The following PFKFB2 variants were observed in gnomAD, a reference collection of about 807,000 sequenced individuals.
PFKFB2 encodes the protein 6-phosphofructo-2-kinase/fructose-2,6-biphosphatase 2, also known as 6-phosphofructo-2-kinase/fructose-2,6-bisphosphatase 2.
Under a neutral mutation model 68.0 loss-of-function variants are expected in PFKFB2, and 53 were observed. The observed-to-expected ratio is 0.78, with a 90% confidence interval of 0.63 to 0.98. The LOEUF is 0.98. Among genes scored for constraint, PFKFB2 ranks in the 50% least tolerant of loss-of-function variants. PFKFB2 has a pLI of 0.00. For missense variants in PFKFB2, 451 were observed against 642.0 expected, an observed-to-expected ratio of 0.70 and a Z score of 3.22; for synonymous variants, 222 against 227.6, an observed-to-expected ratio of 0.98 and a Z score of 0.22.
In PFKFB2 at chr1:207,062,630, T is replaced by C. The variant is rs1558060545; in HGVS notation, c.222T>C (p.Leu74=). 6.2e-7 allele frequency: 1 copy of C among 1,613,986 alleles called. No homozygotes were observed. The highest frequency in any genetic ancestry group is 1.1e-5 in the South Asian group (1 of 91,076). The change falls in exon 4 of 15, where the codon CTT becomes CTC. Residue 74 remains leucine (L), a synonymous_variant. Coordinates refer to ENST00000367080, the MANE Select transcript of PFKFB2 (RefSeq NM_006212.2). ...GGGTGTCTTCTACAGTGTTTAATCT[T>C]GGGGTGTATCGGCGTGAAGCAGTCA... The part of the protein sequence containing the change: ...WIGVPTKVFN[L]GVYRREAVKS...
At position 207,058,304 on chromosome 1, in the gene PFKFB2, A is replaced by G. The variant is rs145983193; in HGVS notation, c.85+3502A>G. Among the ~76,000 whole-genome samples the G allele has an allele frequency of 2.6e-3, 400 of 152,384 alleles. 1 individual carries two copies. The highest frequency in any genetic ancestry group is 9.2e-3 in the African/African-American group (382 of 41,590). On this transcript the variant is annotated intron_variant, in intron 2 of 14. Transcript: ENST00000367080. ...TAAATATTAGGCCTCTTTAGAGCCA[A>G]TAAAAGAAGACGTCCTGGGTCCTGA...
intron 2 of PFKFB2, among the ~76,000 whole-genome samples, chr1:207,059,230 T>A (rs1683015447): frequency 6.6e-6 from 1 of 152,174 alleles, no homozygotes; most frequent in Non-Finnish European, 1.5e-5. Context: ...GCTGGTTCCC[T>A]GGTTGCCTTC....
chr1:207,047,641 C>T (rs1682630434), intron 2 of PFKFB2: 1 of 152,578 alleles, frequency 6.6e-6, no homozygotes, highest in Non-Finnish European at 1.5e-5. Flanking sequence ...AGGTAGAAAA[C>T]TTTTATCTGG....
Position 207,073,114 on chromosome 1 carries a change from A to T in PFKFB2, c.*743A>T, listed in dbSNP as rs1465749489. The T allele has an allele frequency of 2.0e-6, 2 of 985,356 alleles. No individual in the cohort carries two copies. The highest frequency in any genetic ancestry group is 2.3e-4 in the East Asian group (2 of 8,830). The allele number at this position is 985,356 out of a possible 1,614,324, so 61.0% of individuals were successfully genotyped here. On this transcript the variant is annotated 3_prime_UTR_variant, in exon 15 of 15. Coordinates refer to ENST00000367080, the MANE Select transcript of PFKFB2 (RefSeq NM_006212.2). Reference sequence around the variant, plus strand: ...AGCTTGCAAGTAGACATAGGGTGAGAGTTCTTGCCTCCTTTCATGAGAAAC... The same window carrying T: ...AGCTTGCAAGTAGACATAGGGTGAGTGTTCTTGCCTCCTTTCATGAGAAAC...
intron 10 of PFKFB2, 104 bp downstream of exon 10, chr1:207,068,413 A>G: frequency 1.0e-6 from 1 of 984,876 alleles, no homozygotes; most frequent in Non-Finnish European, 1.4e-6. Flanking sequence ...TACAACCAAC[A>G]AGTAAAAACT....
chr1:207,049,776 A>G, upstream of PFKFB2: 2 of 1,503,532 alleles, frequency 1.3e-6, no homozygotes, highest in Non-Finnish European at 1.8e-6. Context: ...GAAGAAACCG[A>G]GTGTTCTCTA....
intron 8 of PFKFB2, chr1:207,065,392 C>T: frequency 1.2e-6 from 1 of 832,298 alleles, no homozygotes; most frequent in Non-Finnish European, 1.4e-6. Flanking sequence ...ACTCTGTCAC[C>T]CAGGCTGGAG....
intron 1 of PFKFB2, among the ~76,000 whole-genome samples, chr1:207,040,961 C>T (rs1682465247): frequency 7.1e-6 from 1 of 141,558 alleles, no homozygotes; most frequent in Admixed American, 7.3e-5. Flanking sequence ...AAGAGTCTCG[C>T]TCTGTCGCCT....
chr1:207,075,181 C>G lies in PFKFB2; in HGVS notation c.*2810C>G. The G allele has an allele frequency of 1.0e-6, 1 of 985,346 alleles. No individual in the cohort carries two copies. The highest frequency in any genetic ancestry group is 1.2e-6 in the Non-Finnish European group (1 of 829,882). The allele number at this position is 985,346 out of a possible 1,614,324, so 61.0% of individuals were successfully genotyped here. A position where few individuals can be genotyped will look rare whatever the true frequency, so the allele number is the denominator to read the frequency against. On this transcript the variant is annotated 3_prime_UTR_variant, in exon 15 of 15. Coordinates refer to ENST00000367080, the MANE Select transcript of PFKFB2 (RefSeq NM_006212.2). Reference sequence around the variant, plus strand: ...AGCATTGTGTTAACCTGTCATTAACCCAGCATTAGAGACAGGTCACTGGGA... The same window carrying G: ...AGCATTGTGTTAACCTGTCATTAACGCAGCATTAGAGACAGGTCACTGGGA...
chr1:207,042,665 C>G (rs1682504300), intron 2 of PFKFB2, among the ~76,000 whole-genome samples: 1 of 149,034 alleles, frequency 6.7e-6, no homozygotes, highest in African/African-American at 2.5e-5. Flanking sequence ...CTATTCGGAT[C>G]AGAATTAGAA....
intron 1 of PFKFB2, 41 bp downstream of exon 1, chr1:207,053,407 G>A (rs1682812940): frequency 6.6e-6 from 1 of 152,566 alleles, no homozygotes; most frequent in Non-Finnish European, 1.5e-5. Flanking sequence ...GTCTAGCGGG[G>A]CGGGATGTGG....
At position 207,074,746 on chromosome 1, in the gene PFKFB2, G is replaced by A. The variant is rs919377461; in HGVS notation, c.*2375G>A. 1.0e-6 allele frequency: 1 copy of A among 985,426 alleles called. No homozygotes were observed. Among genetic ancestry groups the A allele is most frequent in the African/African-American group, 1.7e-5 (1 of 57,350 alleles). 61.0% of individuals were successfully genotyped at this position (985,426 alleles called of 1,614,324 possible). On this transcript the variant is annotated 3_prime_UTR_variant, in exon 15 of 15. Transcript: ENST00000367080. ...AAGTAGAAGAAAAGGTCCTTGTCCA[G>A]AGGAAGGTTATTTTAAGAGACAGGA... is the stretch of plus-strand genomic sequence containing the variant.
Position 207,071,495 on chromosome 1 carries a change from C to T in PFKFB2, c.1286-14C>T, listed in dbSNP as rs759536427. On this transcript the variant is annotated splice_polypyrimidine_tract_variant and intron_variant, in intron 13 of 14. Transcript: ENST00000367080. Reference sequence around the variant, plus strand: ...CCTTTTTCTTTAAGTCCTCTCTTTCCTCTGTTTTCTCAGGGTGCAAAGTGG... The same window carrying T: ...CCTTTTTCTTTAAGTCCTCTCTTTCTTCTGTTTTCTCAGGGTGCAAAGTGG... 3.7e-6 allele frequency: 6 copies of T among 1,609,446 alleles called. No individual in the cohort carries two copies. In the Admixed American group the frequency reaches 6.7e-5, roughly 18 times the overall value.
chr1:207,067,426 A>T (rs1683323479), intron 8 of PFKFB2, 73 bp from the exon 9 acceptor site: 2 of 1,104,626 alleles, frequency 1.8e-6, no homozygotes, highest in Non-Finnish European at 2.7e-6. Context: ...TCCCTGTAGA[A>T]ATCCTTTTCC....
rs920276525 is a variant in PFKFB2, at chr1:207,075,750, A to T, written c.*3379A>T. On this transcript the variant is annotated 3_prime_UTR_variant, in exon 15 of 15. Transcript: ENST00000367080. ...TATAGTGAGACCTCACCTCTAAAAA[A>T]GTTTTTTATAAATTTACTTGTCTAA... The T allele has an allele frequency of 2.5e-5, 25 of 981,912 alleles. No homozygotes were observed. The highest frequency in any genetic ancestry group is 3.0e-5 in the Non-Finnish European group (25 of 826,814). The allele number at this position is 981,912 out of a possible 1,614,324, so 60.8% of individuals were successfully genotyped here.
At chr1:207,055,498 T>C (rs1682891856) in intron 2 of PFKFB2, among the ~76,000 whole-genome samples, 1 of 152,140 alleles carries the variant, frequency 6.6e-6, no homozygotes, top group Admixed American at 6.5e-5. Context: ...CTAAGCATCA[T>C]AGGCTGCATA....
downstream of PFKFB2, chr1:207,077,841 T>C (rs1683672079): frequency 1.0e-6 from 1 of 981,242 alleles, no homozygotes; most frequent in Non-Finnish European, 1.2e-6. Flanking sequence ...GGGTTTTTTG[T>C]TTAGTATTTT....
chr1:207,071,564 C>T lies in PFKFB2; in HGVS notation c.1341C>T (p.Asp447=), dbSNP rs199931363. Residue 447 remains aspartate, a synonymous_variant, in exon 14 of 15, where the codon GAC becomes GAT. Transcript: ENST00000367080. ...LNVEAVNTHR[D]KPTNNFPKNQ... is the part of the protein sequence containing the mutation. ...TGGAGGCTGTGAACACGCACCGTGA[C>T]AAGCCAACTGTAAGTATTTTCCCAC... 8.1e-5 allele frequency: 130 copies of T among 1,612,880 alleles called. No individual in the cohort carries two copies. The highest frequency in any genetic ancestry group is 2.0e-5 in the Non-Finnish European group (24 of 1,178,998).
chr1:207,069,324 C>A, intron 10 of PFKFB2, 100 bp from the exon 11 acceptor site: 1 of 803,870 alleles, frequency 1.2e-6, no homozygotes, highest in Non-Finnish European at 2.1e-6. Context: ...CTGGCACGTA[C>A]TAAGAAACTA....
Sources: allele counts gnomAD v4.1 joint callset (sites outside exome capture counted in the v4.1 genomes callset), GRCh38; gene constraint gnomAD v4.1.1; transcripts MANE v1.5; gene names NCBI Gene and HGNC (gene_info 2026-07-23, HGNC 2026-07-21).